The following CFAP36 variants were observed in gnomAD, a reference collection of about 807,000 sequenced individuals.
CFAP36 encodes the protein cilia and flagella associated protein 36.
A neutral mutation model predicts 50.5 loss-of-function variants in CFAP36; 37 were observed. The observed-to-expected ratio is 0.73, with a 90% CI of 0.56 to 0.96. The LOEUF is 0.96. CFAP36 is among the 50% of genes least tolerant of loss of function. The probability of loss-of-function intolerance (pLI) is 0.00; values close to 1 mark genes in which losing one functional copy is unlikely to be tolerated. For missense variants in CFAP36, 407 were observed against 396.2 expected, an observed-to-expected ratio of 1.03 and a Z score of -0.23; for synonymous variants, 138 against 128.2, an observed-to-expected ratio of 1.08 and a Z score of -0.52.
intron 6 of CFAP36, 27 bp downstream of exon 6, chr2:55,535,790 A>AT (rs1295085490): frequency 4.5e-6 from 7 of 1,545,764 alleles, no homozygotes. Context: ...TAACAGAAGT[A>AT]TTTTATTGCT....
At chr2:55,534,833 TG>T (rs1304610466) in intron 5 of CFAP36, among the ~76,000 whole-genome samples, 1 of 152,146 alleles carries the variant, frequency 6.6e-6, no homozygotes, top group Admixed American at 6.5e-5. Flanking sequence ...GATCAGAGGA[TG>T]GGCCTGATGG....
At chr2:55,523,651 ATACT>A (rs376737195) in intron 2 of CFAP36, 66 bp from the exon 3 acceptor site, 79 of 963,634 alleles carry the variant, frequency 8.2e-5, no homozygotes, top group Non-Finnish European at 1.1e-4. Flanking sequence ...TCTAAACTAA[ATACT>A]TAATATGCAA....
intron 1 of CFAP36, chr2:55,520,506 A>G (rs773626967): frequency 3.8e-5 from 58 of 1,518,328 alleles, no homozygotes; most frequent in South Asian, 6.3e-5. Context: ...TCGCTATACC[A>G]AAAATTGGCG....
intron 3 of CFAP36, among the ~76,000 whole-genome samples, chr2:55,525,721 C>G (rs1316498427): frequency 6.6e-6 from 1 of 152,070 alleles, no homozygotes; most frequent in East Asian, 1.9e-4. Flanking sequence ...ACCTCCGTCT[C>G]CTAGGTTCAA....
intron 3 of CFAP36, among the ~76,000 whole-genome samples, chr2:55,528,040 C>T (rs1168293559): frequency 6.6e-6 from 1 of 151,518 alleles, no homozygotes; most frequent in Non-Finnish European, 1.5e-5. Context: ...TGATGTGGTA[C>T]ACACCTTCCG....
At chr2:55,542,000 G>C (rs1334588796) in intron 7 of CFAP36, among the ~76,000 whole-genome samples, 1 of 148,630 alleles carries the variant, frequency 6.7e-6, no homozygotes, top group Non-Finnish European at 1.5e-5. Flanking sequence ...TTTGTACCAA[G>C]TCAAACCATT....
intron 7 of CFAP36, among the ~76,000 whole-genome samples, 163 bp from the exon 8 acceptor site, chr2:55,543,775 T>C (rs1245826232): frequency 1.3e-5 from 2 of 152,176 alleles, no homozygotes; most frequent in Non-Finnish European, 2.9e-5. Context: ...TTTACTGTTC[T>C]TACCCAGTGG....
chr2:55,544,361 G>A lies in CFAP36; in HGVS notation c.919G>A (p.Glu307Lys), dbSNP rs934286079. 4 of 1,610,642 alleles carry A rather than the reference G, an allele frequency of 2.5e-6. No homozygotes were observed. The highest frequency in any genetic ancestry group is 1.3e-5 in the African/African-American group (1 of 74,736). Reference sequence around the variant, plus strand: ...GGAGCAGAAAGGAAAACCCACTGGGGAGGTAGAGGTATGGCTAGCCTTAAT... The same window carrying A: ...GGAGCAGAAAGGAAAACCCACTGGGAAGGTAGAGGTATGGCTAGCCTTAAT... ...NMEQKGKPTG[E>K]VEEMTEKPEM... The change falls in exon 9 of 10, where the codon GAG (glutamate) becomes AAG (lysine). Residue 307 changes from glutamate to lysine, a missense_variant. Physicochemically the swap from Glu to Lys is moderately conservative, Grantham distance 56. Coordinates refer to ENST00000349456, the MANE Select transcript of CFAP36 (RefSeq NM_080667.7).
chr2:55,520,441 GC>G, intron 1 of CFAP36: 1 of 1,548,694 alleles, frequency 6.5e-7, no homozygotes, highest in Non-Finnish European at 8.7e-7. Flanking sequence ...ACTCCAGGAA[GC>G]CCAGAGCCGG....
intron 4 of CFAP36, among the ~76,000 whole-genome samples, 159 bp from the exon 5 acceptor site, chr2:55,533,714 T>C (rs1340447749): frequency 6.7e-6 from 1 of 148,382 alleles, no homozygotes; most frequent in Non-Finnish European, 1.5e-5. Context: ...AAAAAATATA[T>C]ATATATATAA....
chr2:55,524,608 T>G (rs1375937638), intron 3 of CFAP36, among the ~76,000 whole-genome samples: 1 of 152,034 alleles, frequency 6.6e-6, no homozygotes, highest in Admixed American at 6.6e-5. Flanking sequence ...ATTGATATTT[T>G]GGGCACTTGA....
chr2:55,529,369 C>T (rs1009381372), intron 4 of CFAP36, among the ~76,000 whole-genome samples: 2 of 151,548 alleles, frequency 1.3e-5, no homozygotes, highest in African/African-American at 4.8e-5. Flanking sequence ...TTGCAGTGAG[C>T]TGAGATCGCG....
intron 3 of CFAP36, among the ~76,000 whole-genome samples, chr2:55,525,781 C>A (rs185225147): frequency 1.3e-5 from 2 of 152,190 alleles, no homozygotes; most frequent in Admixed American, 1.3e-4. Flanking sequence ...CAGGCTCCCA[C>A]CACCATGCCC....
intron 7 of CFAP36, among the ~76,000 whole-genome samples, chr2:55,538,448 CCACG>C (rs1256521833): frequency 6.6e-6 from 1 of 151,866 alleles, no homozygotes; most frequent in Admixed American, 6.6e-5. Context: ...GCAGGCACCA[CCACG>C]CCCAGCTAAT....
Position 55,522,137 on chromosome 2 carries a change from A to G in CFAP36, c.151A>G (p.Thr51Ala). The change falls in exon 2 of 10, where the codon ACA becomes GCA. Residue 51 changes from threonine (T) to alanine (A), a missense_variant. Thr to Ala is a moderately conservative substitution (Grantham distance 58). Coordinates refer to ENST00000349456, the MANE Select transcript of CFAP36 (RefSeq NM_080667.7). Reference protein sequence around the residue: ...DDEEESKLTYTEIHQEYKELV... With the variant: ...DDEEESKLTYAEIHQEYKELV... Reference sequence around the variant, plus strand: ...TGAAGAAGAAAGCAAATTGACCTATACAGAGATTCATCAGGAATACAAAGA... The same window carrying G: ...TGAAGAAGAAAGCAAATTGACCTATGCAGAGATTCATCAGGAATACAAAGA... 6.5e-7 allele frequency: 1 copy of G among 1,543,566 alleles called. No homozygotes were observed. Among genetic ancestry groups the G allele is most frequent in the Non-Finnish European group, 8.9e-7 (1 of 1,129,248 alleles).
chr2:55,538,887 A>G lies in CFAP36; in HGVS notation c.640+1302A>G. On this transcript the variant is annotated intron_variant, in intron 7 of 9. Transcript: ENST00000349456. ...TAAACCTTAGTTTAGAAGAACTTCT[A>G]TAATTGAGATTAGTGTGATGTTTAC... 2.0e-6 allele frequency: 3 copies of G among 1,481,298 alleles called. 1 individual carries two copies. The South Asian group carries it at 4.1e-5, about 20-fold the overall frequency. The allele number at this position is 1,481,298 out of a possible 1,614,324, so 91.8% of individuals were successfully genotyped here.
At chr2:55,530,910 A>G (rs1462367958) in intron 4 of CFAP36, 3 of 152,220 alleles carry the variant, frequency 2.0e-5, no homozygotes, top group Admixed American at 2.0e-4. Flanking sequence ...AGGGCCTGGA[A>G]CATGCAACAA....
Position 55,545,034 on chromosome 2 carries a change from GA to G in CFAP36, c.*28del. On this transcript the variant is annotated 3_prime_UTR_variant, in exon 10 of 10. Transcript: ENST00000349456. The stretch of plus-strand genomic sequence containing the variant: ...TAATTAAGAACAATTTAACAAAATG[GA>G]AGTTCAAATTGTCTTAAAAATAAAT... 7.4e-7 allele frequency: 1 copy of G among 1,343,182 alleles called. No homozygotes were observed. The highest frequency in any genetic ancestry group is 1.0e-6 in the Non-Finnish European group (1 of 969,330). 83.2% of individuals were successfully genotyped at this position (1,343,182 alleles called of 1,614,324 possible). A position where few individuals can be genotyped will look rare whatever the true frequency, so the allele number is the denominator to read the frequency against.
chr2:55,535,879 A>G (rs979084239), intron 6 of CFAP36, 116 bp downstream of exon 6: 3 of 1,419,480 alleles, frequency 2.1e-6, no homozygotes, highest in Middle Eastern at 2.1e-4. Flanking sequence ...TTTAAGTACA[A>G]TGTAAATATT....
Sources: gnomAD v4.1 joint callset for allele counts (sites outside exome capture counted in the v4.1 genomes callset) on GRCh38, gnomAD v4.1.1 for gene constraint, MANE v1.5 for transcripts, NCBI Gene and HGNC (gene_info 2026-07-23, HGNC 2026-07-21) for gene names.